RAB38: variants seen among roughly 807,000 people sequenced by gnomAD.
The protein encoded by RAB38 is ras-related protein Rab-38.
RAB38 carries 15 observed loss-of-function variants against 18.4 expected under a neutral mutation model. The ratio of observed to expected loss-of-function variants is 0.82; its 90% CI spans 0.55 to 1.26. RAB38 has a LOEUF of 1.26. Ranked by LOEUF, RAB38 falls within the 50% of genes most tolerant of loss-of-function variation. The pLI, the probability that RAB38 is intolerant of heterozygous loss-of-function variation, is 0.00. For missense variants in RAB38, 294 were observed against 267.4 expected (o/e 1.10, Z -0.69); for synonymous variants, 101 against 104.4 (o/e 0.97, Z 0.20).
the RAB38 span, among the ~76,000 whole-genome samples, chr11:87,874,006 T>C: frequency 6.7e-6 from 1 of 148,584 alleles, no homozygotes; most frequent in South Asian, 2.1e-4. Context: ...CAATCTGTGG[T>C]TTCCCTTTTT....
the RAB38 span, among the ~76,000 whole-genome samples, chr11:88,076,326 TG>T: frequency 6.6e-6 from 1 of 152,062 alleles, no homozygotes; most frequent in African/African-American, 2.4e-5. Flanking sequence ...TTGTACCGAA[TG>T]GAAAAAATTT....
chr11:87,901,553 T>C, the RAB38 span, among the ~76,000 whole-genome samples: 1 of 151,598 alleles, frequency 6.6e-6, no homozygotes, highest in African/African-American at 2.4e-5. Flanking sequence ...GCATATTTCC[T>C]AAGGCTGCTA....
intron 1 of RAB38, chr11:88,166,767 T>C (rs1410157781): frequency 6.6e-6 from 1 of 152,084 alleles, no homozygotes; most frequent in East Asian, 1.9e-4. Flanking sequence ...GGAAAAAAAA[T>C]AGAATGTCTC....
the RAB38 span, among the ~76,000 whole-genome samples, chr11:87,915,507 A>T: frequency 6.6e-6 from 1 of 152,090 alleles, no homozygotes; most frequent in Non-Finnish European, 1.5e-5. Context: ...CAGTGCCATG[A>T]CAGTTTACAG....
chr11:88,028,289 C>A, the RAB38 span, among the ~76,000 whole-genome samples: 2 of 152,100 alleles, frequency 1.3e-5, no homozygotes, highest in African/African-American at 4.8e-5. Flanking sequence ...AAAAACAGAA[C>A]AGAAAAACTG....
rs1942498807 is a variant in RAB38, at chr11:88,113,327, T to TA, written c.*660dup. On this transcript the variant is annotated 3_prime_UTR_variant, in exon 3 of 3. Coordinates refer to ENST00000243662, the MANE Select transcript of RAB38 (RefSeq NM_022337.3). ...TAATATATATTACATGTATAGCATG[T>TA]ATAGAGGAGCCCCACAGCTTGAGTC... 1 of 152,756 alleles carries TA rather than the reference T, an allele frequency of 6.5e-6. No individual in the cohort carries two copies. The highest frequency in any genetic ancestry group is 2.1e-4 in the South Asian group (1 of 4,822). The allele number at this position is 152,756 out of a possible 1,614,324, so 9.5% of individuals were successfully genotyped here. A position where few individuals can be genotyped will look rare whatever the true frequency, so the allele number is the denominator to read the frequency against.
At chr11:87,896,819 A>T in the RAB38 span, among the ~76,000 whole-genome samples, 1 of 151,586 alleles carries the variant, frequency 6.6e-6, no homozygotes, top group Non-Finnish European at 1.5e-5. Context: ...AGGGCCTCAT[A>T]TGTGTGAAGT....
chr11:87,951,751 T>A, the RAB38 span, among the ~76,000 whole-genome samples: 2 of 152,156 alleles, frequency 1.3e-5, no homozygotes, highest in African/African-American at 4.8e-5. Context: ...TGATTGTTCC[T>A]CTGGAAGTTT....
chr11:88,137,190 C>T (rs979745691), intron 2 of RAB38, among the ~76,000 whole-genome samples: 1 of 152,176 alleles, frequency 6.6e-6, no homozygotes, highest in Non-Finnish European at 1.5e-5. Context: ...ATCACCATAG[C>T]CACTATTCAA....
the RAB38 span, among the ~76,000 whole-genome samples, chr11:88,050,496 C>T: frequency 5.9e-5 from 9 of 152,190 alleles, no homozygotes; most frequent in African/African-American, 1.2e-4. Flanking sequence ...CATGCACCTA[C>T]GTACACATGC....
chr11:87,885,959 TGA>T, the RAB38 span, among the ~76,000 whole-genome samples: 3 of 152,010 alleles, frequency 2.0e-5, no homozygotes, highest in Non-Finnish European at 2.9e-5. Context: ...GGAGAAATGC[TGA>T]GTGTTGGGAG....
At chr11:88,023,026 G>T in the RAB38 span, among the ~76,000 whole-genome samples, 5 of 152,012 alleles carry the variant, frequency 3.3e-5, no homozygotes, top group South Asian at 4.1e-4. Flanking sequence ...GGAAGGAGAG[G>T]ATCAGGAAAA....
chr11:87,907,468 T>A, the RAB38 span, among the ~76,000 whole-genome samples: 2 of 151,732 alleles, frequency 1.3e-5, no homozygotes, highest in Admixed American at 6.6e-5. Flanking sequence ...AAAAAATATA[T>A]TTTTTTCACA....
At chr11:87,879,936 T>A in the RAB38 span, 1 of 151,712 alleles carries the variant, frequency 6.6e-6, no homozygotes, top group Non-Finnish European at 1.5e-5. Context: ...TATGCTGTAC[T>A]TTATCAAAGC....
intron 2 of RAB38, among the ~76,000 whole-genome samples, chr11:88,136,282 C>A (rs1406832734): frequency 1.3e-5 from 2 of 152,108 alleles, no homozygotes; most frequent in Non-Finnish European, 2.9e-5. Flanking sequence ...GAAATCAATA[C>A]CTCGGTAGCA....
At chr11:88,069,577 T>G in the RAB38 span, among the ~76,000 whole-genome samples, 1 of 152,166 alleles carries the variant, frequency 6.6e-6, no homozygotes, top group East Asian at 1.9e-4. Flanking sequence ...CAATCAGCAC[T>G]CTGTGTCTAG....
At chr11:87,931,771 C>T in the RAB38 span, among the ~76,000 whole-genome samples, 1 of 152,028 alleles carries the variant, frequency 6.6e-6, no homozygotes, top group Non-Finnish European at 1.5e-5. Context: ...AGCTGGTACA[C>T]CAAATGCCTC....
chr11:87,951,842 G>A, the RAB38 span, among the ~76,000 whole-genome samples: 402 of 152,282 alleles, frequency 2.6e-3, 1 homozygote, highest in African/African-American at 9.0e-3. Flanking sequence ...CTACTCGGGT[G>A]TCAGGGACCC....
the RAB38 span, among the ~76,000 whole-genome samples, chr11:87,914,579 C>T: frequency 2.0e-5 from 3 of 152,094 alleles, no homozygotes; most frequent in African/African-American, 7.2e-5. Context: ...AAATGTTTAG[C>T]CTACCTATGG....
Sources: allele counts gnomAD v4.1 joint callset (sites outside exome capture counted in the v4.1 genomes callset), GRCh38; gene constraint gnomAD v4.1.1; transcripts MANE v1.5; gene names NCBI Gene and HGNC (gene_info 2026-07-23, HGNC 2026-07-21).